The following KIFAP3 variants were observed in gnomAD, a reference collection of about 807,000 sequenced individuals.
The protein encoded by KIFAP3 is kinesin associated protein 3, also known as kinesin-associated protein 3.
A neutral mutation model predicts 106.5 loss-of-function variants in KIFAP3; 68 were observed. The observed-to-expected ratio is 0.64, with a 90% CI of 0.53 to 0.78. The LOEUF is 0.78. Among genes scored for constraint, KIFAP3 ranks in the 30% least tolerant of loss-of-function variants. The pLI, the probability that KIFAP3 is intolerant of heterozygous loss-of-function variation, is 0.00. For missense variants in KIFAP3, 780 were observed against 941.8 expected (o/e 0.83, Z 2.25); for synonymous variants, 320 against 311.5 (o/e 1.03, Z -0.29).
At chr1:169,934,195 A>G (rs1663658115) in intron 19 of KIFAP3, among the ~76,000 whole-genome samples, 1 of 152,138 alleles carries the variant, frequency 6.6e-6, no homozygotes, top group African/African-American at 2.4e-5. Flanking sequence ...TTGCCTTTAT[A>G]GGGCTCCTAC....
intron 16 of KIFAP3, among the ~76,000 whole-genome samples, chr1:169,972,947 T>C (rs1384447898): frequency 1.3e-5 from 2 of 151,314 alleles, no homozygotes; most frequent in Non-Finnish European, 3.0e-5. Context: ...CTTCTTGATC[T>C]ATCCTGCTCT....
chr1:169,967,067 T>C (rs1665668440), intron 17 of KIFAP3, among the ~76,000 whole-genome samples: 1 of 151,876 alleles, frequency 6.6e-6, no homozygotes, highest in African/African-American at 2.4e-5. Context: ...TGAGATTCTA[T>C]TTACCAAGTA....
upstream of KIFAP3, among the ~76,000 whole-genome samples, chr1:170,079,339 ACTT>A (rs1387390914): frequency 8.5e-5 from 13 of 152,106 alleles, no homozygotes; most frequent in Non-Finnish European, 1.3e-4. Context: ...CTGGCCCCCT[ACTT>A]CTTGTACAGC....
At chr1:170,056,175 T>C (rs145332523) in intron 1 of KIFAP3, among the ~76,000 whole-genome samples, 109 of 151,826 alleles carry the variant, frequency 7.2e-4, no homozygotes, top group African/African-American at 2.4e-3. Flanking sequence ...CACGAAGAAA[T>C]TGTCTATATT....
In KIFAP3 at chr1:170,055,338, G is replaced by T; in HGVS notation, c.131C>A (p.Pro44His). 1 of 1,605,942 alleles carries T rather than the reference G, an allele frequency of 6.2e-7. No individual in the cohort carries two copies. The highest frequency in any genetic ancestry group is 1.7e-5 in the Admixed American group (1 of 58,018). ...ACATTCTTTTCGTTCTCCCAACATG[G>T]GGTCCCCCATTTCTCCAAGAATGGT... is the stretch of plus-strand genomic sequence containing the variant. ...EATILGEMGDPMLGERKECQK... is the reference protein window; with the variant it reads ...EATILGEMGDHMLGERKECQK... The change falls in exon 2 of 20, where the codon CCC becomes CAC. Residue 44 changes from proline (P) to histidine (H), a missense_variant. Transcript: ENST00000361580.
At chr1:170,017,063 C>T (rs1668558387) in intron 9 of KIFAP3, among the ~76,000 whole-genome samples, 1 of 152,100 alleles carries the variant, frequency 6.6e-6, no homozygotes, top group Non-Finnish European at 1.5e-5. Context: ...TTGAGGCCAT[C>T]CTGGCCAGCG....
intron 10 of KIFAP3, among the ~76,000 whole-genome samples, chr1:170,000,625 T>C (rs991785823): frequency 6.6e-6 from 1 of 152,186 alleles, no homozygotes; most frequent in African/African-American, 2.4e-5. Context: ...CTTTGATACA[T>C]GTTTCCATAT....
intron 15 of KIFAP3, among the ~76,000 whole-genome samples, chr1:169,981,743 G>C (rs1468019034): frequency 6.6e-6 from 1 of 152,074 alleles, no homozygotes; most frequent in Admixed American, 6.6e-5. Context: ...AATTGGTCCT[G>C]AACTGCTTTA....
intron 1 of KIFAP3, among the ~76,000 whole-genome samples, chr1:170,081,989 T>G (rs1672026893): frequency 6.6e-6 from 1 of 152,146 alleles, no homozygotes. Flanking sequence ...CTAATACTTG[T>G]GAGAATGCAA....
chr1:169,928,174 A>G (rs566947458), intron 19 of KIFAP3, among the ~76,000 whole-genome samples: 55 of 151,382 alleles, frequency 3.6e-4, no homozygotes, highest in African/African-American at 1.3e-3. Flanking sequence ...ATCTTGGCTC[A>G]CTGCAACCTC....
rs758319072 is a variant in KIFAP3, at chr1:169,983,378, A to AT, written c.1397dup (p.Asn466LysfsTer14). The AT allele has an allele frequency of 6.3e-7, 1 of 1,598,016 alleles. No individual in the cohort carries two copies. On this transcript the variant is annotated frameshift_variant, in exon 13 of 20. Coordinates refer to ENST00000361580, the MANE Select transcript of KIFAP3 (RefSeq NM_014970.4). LOFTEE classifies it high-confidence loss of function. ...CCCTCTTCATGAGCATCTTCAGCCC[A>AT]TTTCCTGAAACAGAAAAGTCCCCCA...
At chr1:169,950,945 A>G (rs1201824955) in intron 19 of KIFAP3, among the ~76,000 whole-genome samples, 3 of 151,948 alleles carry the variant, frequency 2.0e-5, no homozygotes, top group Non-Finnish European at 4.4e-5. Context: ...AAAATATGCC[A>G]CACTTTCAGA....
At chr1:169,935,738 A>C (rs1310734115) in intron 19 of KIFAP3, among the ~76,000 whole-genome samples, 2 of 152,070 alleles carry the variant, frequency 1.3e-5, no homozygotes, top group South Asian at 2.1e-4. Flanking sequence ...GAATCAAGAT[A>C]AATACACACA....
At chr1:170,010,666 G>A (rs1379310323) in intron 10 of KIFAP3, among the ~76,000 whole-genome samples, 1 of 151,848 alleles carries the variant, frequency 6.6e-6, no homozygotes, top group South Asian at 2.1e-4. Context: ...AAATGTTTCA[G>A]GAAACTGAGA....
At chr1:169,974,114 A>C (rs1034903339) in intron 16 of KIFAP3, among the ~76,000 whole-genome samples, 4 of 151,920 alleles carry the variant, frequency 2.6e-5, no homozygotes, top group African/African-American at 9.7e-5. Context: ...TTGAAATTTA[A>C]GTTTGCATCC....
Position 169,980,844 on chromosome 1 carries a change from G to C in KIFAP3, c.1798+1128C>G, listed in dbSNP as rs374516409. Reference sequence around the variant, plus strand: ...TAGCCGGGCACAGTGGCTCACGCCTGTAATCTCAGCACTTTGGGAGGCCGA... The same window carrying C: ...TAGCCGGGCACAGTGGCTCACGCCTCTAATCTCAGCACTTTGGGAGGCCGA... On this transcript the variant is annotated intron_variant, in intron 15 of 19. Coordinates refer to ENST00000361580, the MANE Select transcript of KIFAP3 (RefSeq NM_014970.4). Among the ~76,000 whole-genome samples the C allele has an allele frequency of 1.9e-4, 29 of 152,328 alleles. No homozygotes were observed. The East Asian group carries it at 4.1e-3, about 21-fold the overall frequency.
At chr1:169,992,322 A>G in intron 10 of KIFAP3, 67 bp from the exon 11 acceptor site, 1 of 673,116 alleles carries the variant, frequency 1.5e-6, no homozygotes, top group South Asian at 3.3e-5. Context: ...ACTCATGTTA[A>G]TGTACTACAA....
intron 10 of KIFAP3, among the ~76,000 whole-genome samples, chr1:170,003,836 T>C (rs1053498999): frequency 4.0e-5 from 6 of 151,340 alleles, no homozygotes; most frequent in African/African-American, 1.2e-4. Context: ...TCCAATTCAA[T>C]GTAGTGTTGG....
intron 10 of KIFAP3, among the ~76,000 whole-genome samples, chr1:169,999,353 A>G (rs1571634356): frequency 6.6e-6 from 1 of 152,296 alleles, no homozygotes; most frequent in East Asian, 1.9e-4. Flanking sequence ...CAAATGGTAG[A>G]CATTTCAAAA....
Sources: allele counts gnomAD v4.1 joint callset (sites outside exome capture counted in the v4.1 genomes callset), GRCh38; gene constraint gnomAD v4.1.1; transcripts MANE v1.5; gene names NCBI Gene and HGNC (gene_info 2026-07-23, HGNC 2026-07-21).